MTUS1: variants seen among roughly 807,000 people sequenced by gnomAD.
MTUS1 encodes the protein microtubule-associated tumor suppressor 1.
MTUS1 carries 109 observed loss-of-function variants against 120.8 expected under a neutral mutation model. That is an observed-to-expected ratio of 0.90 (90% CI 0.77 to 1.06). The LOEUF is 1.06. MTUS1 is among the 50% of genes least tolerant of loss of function. The pLI is 0.00. For synonymous variants in MTUS1, 737 were observed against 550.5 expected (o/e 1.34, Z -4.74); for missense variants, 2,210 against 1,486.3 (o/e 1.49, Z -8.01).
At chr8:17,761,883 G>GT (rs2049061869) in intron 1 of MTUS1, among the ~76,000 whole-genome samples, 1 of 152,176 alleles carries the variant, frequency 6.6e-6, no homozygotes, top group African/African-American at 2.4e-5. Context: ...GTTTAGCTCT[G>GT]TAAGCTTTAA....
chr8:17,666,584 A>T (rs12545315), intron 8 of MTUS1, among the ~76,000 whole-genome samples: 9,168 of 152,262 alleles, frequency 0.06, 486 homozygotes, highest in East Asian at 0.24. Context: ...GATGATCATT[A>T]AAAGTGCAGA....
chr8:17,791,005 C>T (rs2051737918), intron 1 of MTUS1, among the ~76,000 whole-genome samples: 1 of 152,108 alleles, frequency 6.6e-6, no homozygotes, highest in African/African-American at 2.4e-5. Flanking sequence ...GAAGTTTTAT[C>T]CCATTTCAGC....
At chr8:17,762,310 G>C (rs2049108630) in intron 1 of MTUS1, among the ~76,000 whole-genome samples, 1 of 151,952 alleles carries the variant, frequency 6.6e-6, no homozygotes, top group Non-Finnish European at 1.5e-5. Flanking sequence ...CAAAAATTAA[G>C]CAGCTGAACA....
chr8:17,669,845 T>TA (rs1404369589), intron 8 of MTUS1, among the ~76,000 whole-genome samples: 1 of 106,686 alleles, frequency 9.4e-6, no homozygotes, highest in Non-Finnish European at 2.4e-5. Context: ...AAACTCCTTC[T>TA]AAAAAACAAA....
intron 3 of MTUS1, among the ~76,000 whole-genome samples, chr8:17,724,455 T>C (rs966982477): frequency 3.9e-5 from 6 of 152,186 alleles, no homozygotes; most frequent in Admixed American, 2.6e-4. Flanking sequence ...AAATGCCTAA[T>C]GTTCTAACAC....
chr8:17,796,194 G>A lies in MTUS1; in HGVS notation c.-155+4867C>T, dbSNP rs547920639. On this transcript the variant is annotated intron_variant, in intron 1 of 14. Coordinates refer to ENST00000693296, the MANE Select transcript of MTUS1 (RefSeq NM_001363059.2). ...TAGAACTCCTGACCTGAAGTGATCC[G>A]CTTGGCTTGGCCTCCCAAAGTGCTG... Among the ~76,000 whole-genome samples the A allele has an allele frequency of 9.9e-5, 15 of 152,178 alleles. 1 individual carries two copies. The South Asian group carries it at 1.9e-3, about 19-fold the overall frequency.
intron 1 of MTUS1, among the ~76,000 whole-genome samples, chr8:17,781,575 T>A (rs1414126403): frequency 6.6e-6 from 1 of 152,220 alleles, no homozygotes; most frequent in African/African-American, 2.4e-5. Flanking sequence ...CCTAGCCTCA[T>A]AAAATGACTA....
In MTUS1 at chr8:17,754,630, G is replaced by C; in HGVS notation, c.1178C>G (p.Ser393Ter). ...GKDLGTQNHT[S>*]ELILSSPPGQ... ...TGGCGGGCTACTTAGAATCAATTCT[G>C]AGGTATGATTTTGGGTTCCCAAATC... The change falls in exon 2 of 15, where the codon TCA (serine) becomes TGA (stop). Residue 393 changes from serine to a stop codon, truncating the protein, a stop_gained. Transcript: ENST00000693296. LOFTEE classifies it high-confidence loss of function. The C allele has an allele frequency of 6.2e-7, 1 of 1,614,168 alleles. No homozygotes were observed. Among genetic ancestry groups the C allele is most frequent in the Non-Finnish European group, 8.5e-7 (1 of 1,180,016 alleles).
intron 8 of MTUS1, among the ~76,000 whole-genome samples, chr8:17,663,598 T>TTGTTC (rs1174869638): frequency 1.1e-5 from 1 of 88,760 alleles, no homozygotes; most frequent in Non-Finnish European, 3.0e-5. Context: ...TTGTTTTGTT[T>TTGTTC]TGTTTTGTTT....
At chr8:17,654,714 C>G in intron 9 of MTUS1, 48 bp from the exon 10 acceptor site, 1 of 1,380,818 alleles carries the variant, frequency 7.2e-7, no homozygotes, top group African/African-American at 1.4e-5. Context: ...ACCAAATGTC[C>G]TAAGTTGAAT....
At chr8:17,723,885 T>G (rs369570099) in intron 3 of MTUS1, 52 bp from the exon 4 acceptor site, 1 of 1,460,802 alleles carries the variant, frequency 6.8e-7, no homozygotes, top group Non-Finnish European at 9.2e-7. Context: ...TCCCGAAAGC[T>G]GGCACTTTTT....
At chr8:17,728,274 G>A (rs2046345718) in intron 3 of MTUS1, among the ~76,000 whole-genome samples, 1 of 152,102 alleles carries the variant, frequency 6.6e-6, no homozygotes, top group East Asian at 1.9e-4. Flanking sequence ...ACCACACCCG[G>A]CTAATTTTTT....
intron 6 of MTUS1, among the ~76,000 whole-genome samples, chr8:17,694,197 G>A (rs1333743811): frequency 6.6e-6 from 1 of 152,134 alleles, no homozygotes; most frequent in Non-Finnish European, 1.5e-5. Flanking sequence ...AAAGTACTGG[G>A]ATTATAGGTG....
intron 7 of MTUS1, among the ~76,000 whole-genome samples, chr8:17,681,319 C>CA (rs1814440559): frequency 6.6e-6 from 1 of 152,134 alleles, no homozygotes; most frequent in Non-Finnish European, 1.5e-5. Context: ...TAAAACCGAC[C>CA]TGAACATGTA....
rs1314565164 is a variant in MTUS1 at position 17,755,495 on chromosome 8, A to C, written c.313T>G (p.Cys105Gly). Reference sequence around the variant, plus strand: ...TTCTCAGTACCTACAAGTGCAGGACACTGACAAATAGAATCTTTATGCATA... The same window carrying C: ...TTCTCAGTACCTACAAGTGCAGGACCCTGACAAATAGAATCTTTATGCATA... Reference protein sequence around the residue: ...LDMHKDSICQCPALVGTEKPK... With the variant: ...LDMHKDSICQGPALVGTEKPK... The change falls in exon 2 of 15, where the codon TGT becomes GGT. Residue 105 changes from cysteine (C) to glycine (G), a missense_variant. Transcript: ENST00000693296. The C allele has an allele frequency of 6.2e-7, 1 of 1,614,214 alleles. No homozygotes were observed. The highest frequency in any genetic ancestry group is 1.1e-5 in the South Asian group (1 of 91,084).
At chr8:17,668,164 G>A (rs906508306) in intron 8 of MTUS1, among the ~76,000 whole-genome samples, 12 of 152,214 alleles carry the variant, frequency 7.9e-5, no homozygotes, top group Admixed American at 7.9e-4. Flanking sequence ...GGACAGCTTT[G>A]AATGCGGCCC....
At chr8:17,743,067 G>T (rs1021985972) in intron 3 of MTUS1, among the ~76,000 whole-genome samples, 1 of 150,678 alleles carries the variant, frequency 6.6e-6, no homozygotes, top group Admixed American at 6.6e-5. Flanking sequence ...TTCTTGAGGC[G>T]CTCACATTTC....
At chr8:17,673,466 G>T (rs900223870) in intron 8 of MTUS1, among the ~76,000 whole-genome samples, 2 of 152,138 alleles carry the variant, frequency 1.3e-5, no homozygotes, top group Non-Finnish European at 2.9e-5. Context: ...ATGCAGAGAA[G>T]TCTTTTACAG....
intron 8 of MTUS1, among the ~76,000 whole-genome samples, chr8:17,660,853 G>A (rs909300898): frequency 3.9e-5 from 6 of 152,150 alleles, no homozygotes; most frequent in Admixed American, 1.3e-4. Flanking sequence ...AATGATGGGC[G>A]ACAGAACGGT....
Sources: gnomAD v4.1 joint callset for allele counts (sites outside exome capture counted in the v4.1 genomes callset) on GRCh38, gnomAD v4.1.1 for gene constraint, MANE v1.5 for transcripts, NCBI Gene and HGNC (gene_info 2026-07-23, HGNC 2026-07-21) for gene names.